The following ARHGAP32 variants were observed in gnomAD, a reference collection of about 807,000 sequenced individuals.
The protein encoded by ARHGAP32 is Rho GTPase activating protein 32.
Under a neutral mutation model 186.5 loss-of-function variants are expected in ARHGAP32, and 51 were observed. The ratio of observed to expected loss-of-function variants is 0.27; its 90% CI spans 0.22 to 0.35. The LOEUF (loss-of-function observed/expected upper bound fraction) is 0.35. ARHGAP32 is among the 10% of genes least tolerant of loss of function. The pLI is 1.00. For missense variants in ARHGAP32, 2,186 were observed against 2,623.5 expected, an observed-to-expected ratio of 0.83 and a Z score of 3.64; for synonymous variants, 950 against 964.3, an observed-to-expected ratio of 0.99 and a Z score of 0.27.
intron 2 of ARHGAP32, among the ~76,000 whole-genome samples, chr11:129,130,831 C>A (rs1180229133): frequency 3.3e-5 from 5 of 152,114 alleles, no homozygotes; most frequent in Admixed American, 6.5e-5. Flanking sequence ...TATGACTACA[C>A]TCCCAAATAT....
At chr11:129,202,972 G>T (rs1463568001) in intron 1 of ARHGAP32, 2 of 152,208 alleles carry the variant, frequency 1.3e-5, no homozygotes, top group Non-Finnish European at 2.9e-5. Context: ...AGCAGTGCTT[G>T]CTTCAGCAGT....
At chr11:129,242,514 C>CGAGA (rs1331783810) in intron 1 of ARHGAP32, among the ~76,000 whole-genome samples, 1 of 151,964 alleles carries the variant, frequency 6.6e-6, no homozygotes, top group Non-Finnish European at 1.5e-5. Context: ...GTCAGGAGAT[C>CGAGA]GAGACCATCC....
At chr11:129,043,288 T>C (rs1591559176) in intron 10 of ARHGAP32, among the ~76,000 whole-genome samples, 2 of 152,126 alleles carry the variant, frequency 1.3e-5, no homozygotes, top group East Asian at 3.8e-4. Context: ...TGTTTGGTGC[T>C]CTCTGGATTG....
At chr11:129,118,521 T>C (rs939897733) in intron 5 of ARHGAP32, among the ~76,000 whole-genome samples, 2 of 151,914 alleles carry the variant, frequency 1.3e-5, no homozygotes, top group Non-Finnish European at 2.9e-5. Flanking sequence ...AAAAGCTAAA[T>C]TAAATGAACA....
At chr11:129,064,811 ATT>A in intron 8 of ARHGAP32, 28 bp downstream of exon 8, 5 of 1,501,458 alleles carry the variant, frequency 3.3e-6, no homozygotes, top group Non-Finnish European at 4.5e-6. Context: ...TTAAATATAC[ATT>A]TTTCATGAAA....
chr11:129,043,961 C>A (rs957522490), intron 10 of ARHGAP32, among the ~76,000 whole-genome samples: 10 of 152,012 alleles, frequency 6.6e-5, no homozygotes, highest in African/African-American at 2.2e-4. Context: ...TTAAAACTTG[C>A]AATAAAGTGG....
chr11:129,222,139 T>C (rs887295846), intron 1 of ARHGAP32, among the ~76,000 whole-genome samples: 13 of 152,308 alleles, frequency 8.5e-5, no homozygotes, highest in Non-Finnish European at 1.9e-4. Flanking sequence ...TGATCAAATA[T>C]TTTAAGCAGT....
intron 1 of ARHGAP32, among the ~76,000 whole-genome samples, chr11:129,268,979 T>C (rs1287921344): frequency 6.6e-6 from 1 of 152,140 alleles, no homozygotes; most frequent in African/African-American, 2.4e-5. Flanking sequence ...GGGTTATAAA[T>C]TAAACACATG....
At chr11:129,242,913 C>T (rs1945038453) in intron 1 of ARHGAP32, among the ~76,000 whole-genome samples, 1 of 152,024 alleles carries the variant, frequency 6.6e-6, no homozygotes, top group Admixed American at 6.6e-5. Context: ...ACCACCTCTA[C>T]TAACTGCACA....
At chr11:129,186,573 A>C (rs757932750) in intron 1 of ARHGAP32, among the ~76,000 whole-genome samples, 3 of 152,220 alleles carry the variant, frequency 2.0e-5, no homozygotes, top group Non-Finnish European at 2.9e-5. Flanking sequence ...GAAAACAATC[A>C]ACAAAGTGAA....
chr11:129,163,384 G>A (rs1362021906), intron 2 of ARHGAP32, among the ~76,000 whole-genome samples: 1 of 152,082 alleles, frequency 6.6e-6, no homozygotes, highest in Non-Finnish European at 1.5e-5. Context: ...TAAACTAAAT[G>A]AGTATCTCAA....
intron 19 of ARHGAP32, 21 bp downstream of exon 19, chr11:128,978,749 G>C (rs1945624925): frequency 6.3e-7 from 1 of 1,590,024 alleles, no homozygotes; most frequent in African/African-American, 1.4e-5. Context: ...CAGCAGAAGT[G>C]AGAATCTCCC....
chr11:129,210,689 G>C (rs907355748), intron 1 of ARHGAP32, among the ~76,000 whole-genome samples: 1 of 152,162 alleles, frequency 6.6e-6, no homozygotes, highest in Non-Finnish European at 1.5e-5. Context: ...CTTTGAGTCT[G>C]ACTTCAGAGA....
At chr11:129,095,737 G>C (rs1046371757) in intron 5 of ARHGAP32, among the ~76,000 whole-genome samples, 1 of 152,242 alleles carries the variant, frequency 6.6e-6, no homozygotes, top group South Asian at 2.1e-4. Context: ...GCAAGGGGAA[G>C]AGTGCTCTCC....
At chr11:129,152,142 A>G (rs1001841830) in intron 2 of ARHGAP32, among the ~76,000 whole-genome samples, 1 of 152,230 alleles carries the variant, frequency 6.6e-6, no homozygotes, top group African/African-American at 2.4e-5. Context: ...CTTCCTGGAA[A>G]TATACAACCC....
At chr11:129,204,846 T>A (rs192379230) in intron 1 of ARHGAP32, among the ~76,000 whole-genome samples, 1 of 152,202 alleles carries the variant, frequency 6.6e-6, no homozygotes, top group Non-Finnish European at 1.5e-5. Flanking sequence ...GTATCTTATT[T>A]TGATTTAAAG....
intron 13 of ARHGAP32, among the ~76,000 whole-genome samples, 194 bp from the exon 14 acceptor site, chr11:128,986,862 GTCTT>G (rs548400981): frequency 2.0e-5 from 3 of 152,174 alleles, no homozygotes; most frequent in Non-Finnish European, 4.4e-5. Context: ...CAAGATAGAT[GTCTT>G]TCTATGTGGA....
At position 128,965,990 on chromosome 11, in the gene ARHGAP32, CCAT is replaced by C. The variant is rs1268642007; in HGVS notation, c.*2914_*2916del. The C allele has an allele frequency of 1.3e-5, 2 of 152,156 alleles. No individual in the cohort carries two copies. The highest frequency in any genetic ancestry group is 2.9e-5 in the Non-Finnish European group (2 of 68,032). 9.4% of individuals were successfully genotyped at this position (152,156 alleles called of 1,614,324 possible). A position where few individuals can be genotyped will look rare whatever the true frequency, so the allele number is the denominator to read the frequency against. ...AAATGTGCAGGCCCTAGTCGTGGGA[CCAT>C]CCCAGGGACTTGCAGGTTTGAAACG... On this transcript the variant is annotated 3_prime_UTR_variant, in exon 23 of 23. Coordinates refer to ENST00000682385, the MANE Select transcript of ARHGAP32 (RefSeq NM_001378024.1).
intron 11 of ARHGAP32, among the ~76,000 whole-genome samples, chr11:129,040,493 T>C (rs1939546751): frequency 6.6e-6 from 1 of 152,210 alleles, no homozygotes; most frequent in Non-Finnish European, 1.5e-5. Flanking sequence ...TATGCAGCAC[T>C]GTAAGTATAC....
Sources: allele counts gnomAD v4.1 joint callset (sites outside exome capture counted in the v4.1 genomes callset), GRCh38; gene constraint gnomAD v4.1.1; transcripts MANE v1.5; gene names NCBI Gene and HGNC (gene_info 2026-07-23, HGNC 2026-07-21).